Variants in WAC observed in about 807,000 individuals in gnomAD.
WAC encodes WW domain-containing adapter protein with coiled-coil.
WAC carries 11 observed loss-of-function variants against 79.6 expected under a neutral mutation model. The ratio of observed to expected loss-of-function variants is 0.14; its 90% confidence interval spans 0.09 to 0.23. The LOEUF is 0.23. Ranked by LOEUF, WAC falls within the 10% of genes least tolerant of loss-of-function variation. The probability of loss-of-function intolerance (pLI) is 1.00; values close to 1 mark genes in which losing one functional copy is unlikely to be tolerated. For synonymous variants in WAC, 304 were observed against 276.9 expected, an observed-to-expected ratio of 1.10 and a Z score of -0.97; for missense variants, 728 against 773.5, an observed-to-expected ratio of 0.94 and a Z score of 0.70.
At chr10:28,596,082 T>TAGAAGA in intron 7 of WAC, 41 bp downstream of exon 7, 2 of 1,549,350 alleles carry the variant, frequency 1.3e-6, no homozygotes, top group South Asian at 2.5e-5. Flanking sequence ...GAACTATAGT[T>TAGAAGA]TCTAAGTTTC....
At chr10:28,570,253 A>T (rs1271818306) in intron 3 of WAC, among the ~76,000 whole-genome samples, 8 of 152,204 alleles carry the variant, frequency 5.3e-5, no homozygotes, top group South Asian at 2.1e-4. Context: ...GAGTAATTTT[A>T]AAGTTACTAG....
At chr10:28,597,094 A>G (rs1564409393) in intron 7 of WAC, among the ~76,000 whole-genome samples, 1 of 152,090 alleles carries the variant, frequency 6.6e-6, no homozygotes, top group African/African-American at 2.4e-5. Flanking sequence ...TGTATTATAC[A>G]TGTTATTTGA....
chr10:28,533,852 G>C, intron 1 of WAC, 146 bp from the exon 2 acceptor site: 1 of 1,119,926 alleles, frequency 8.9e-7, no homozygotes, highest in Non-Finnish European at 1.3e-6. Flanking sequence ...GAGGCTCCGG[G>C]TTTGTGCCGT....
chr10:28,613,150 T>A (rs1841325516), intron 10 of WAC, among the ~76,000 whole-genome samples: 1 of 152,172 alleles, frequency 6.6e-6, no homozygotes, highest in Non-Finnish European at 1.5e-5. Flanking sequence ...GGCAGATCAC[T>A]TGAGGCCTAG....
At chr10:28,536,305 A>G (rs928320697) in intron 3 of WAC, among the ~76,000 whole-genome samples, 1 of 151,790 alleles carries the variant, frequency 6.6e-6, no homozygotes, top group Admixed American at 6.6e-5. Context: ...TTATGAATAT[A>G]GTTTAAAACA....
At chr10:28,583,165 G>T (rs929402974) in intron 3 of WAC, among the ~76,000 whole-genome samples, 32 of 152,106 alleles carry the variant, frequency 2.1e-4, no homozygotes, top group African/African-American at 7.7e-4. Context: ...GTTATATGCT[G>T]CTGTTCCAGG....
At chr10:28,594,559 G>T (rs538619884) in intron 6 of WAC, among the ~76,000 whole-genome samples, 1 of 152,290 alleles carries the variant, frequency 6.6e-6, no homozygotes, top group African/African-American at 2.4e-5. Context: ...GCTTTGATGT[G>T]ATTGACTTTT....
At chr10:28,545,024 G>T (rs1417941232) in intron 3 of WAC, among the ~76,000 whole-genome samples, 3 of 132,926 alleles carry the variant, frequency 2.3e-5, no homozygotes, top group African/African-American at 8.9e-5. Context: ...CTGGGTGACA[G>T]AGTGAGACTC....
At chr10:28,568,249 C>A (rs553970920) in intron 3 of WAC, among the ~76,000 whole-genome samples, 1 of 152,172 alleles carries the variant, frequency 6.6e-6, no homozygotes, top group Non-Finnish European at 1.5e-5. Context: ...AGTTTGCTGT[C>A]GGATTCATCT....
At chr10:28,542,601 A>G (rs763786141) in intron 3 of WAC, among the ~76,000 whole-genome samples, 40 of 152,236 alleles carry the variant, frequency 2.6e-4, no homozygotes, top group Non-Finnish European at 7.3e-5. Context: ...GTTGCAGTTC[A>G]TGAATTACTG....
intron 4 of WAC, among the ~76,000 whole-genome samples, chr10:28,583,901 A>G (rs1018003235): frequency 2.0e-5 from 3 of 152,160 alleles, no homozygotes; most frequent in African/African-American, 4.8e-5. Context: ...TGTCTTACAC[A>G]CTCTCCCAGA....
intron 3 of WAC, among the ~76,000 whole-genome samples, chr10:28,568,814 C>T (rs140261011): frequency 0.024 from 3,606 of 152,152 alleles, 124 homozygotes; most frequent in African/African-American, 0.067. Flanking sequence ...CCTCATGATC[C>T]GCCCACCTTG....
intron 7 of WAC, among the ~76,000 whole-genome samples, chr10:28,605,866 G>A (rs1303625606): frequency 6.6e-6 from 1 of 151,828 alleles, no homozygotes; most frequent in Non-Finnish European, 1.5e-5. Context: ...AATTTCAGGG[G>A]GATATTAATA....
intron 6 of WAC, 200 bp downstream of exon 6, chr10:28,591,032 T>A: frequency 5.7e-6 from 3 of 526,698 alleles, no homozygotes; most frequent in Non-Finnish European, 1.0e-5. Flanking sequence ...AGTACAGGTA[T>A]GTGTTTCCCA....
At chr10:28,606,282 G>C (rs1034147183) in intron 7 of WAC, among the ~76,000 whole-genome samples, 7 of 152,080 alleles carry the variant, frequency 4.6e-5, no homozygotes, top group African/African-American at 9.7e-5. Context: ...GGAAATCCTG[G>C]GCTCAAGCCT....
intron 5 of WAC, among the ~76,000 whole-genome samples, chr10:28,590,311 CAAAAAAAAAA>C (rs34562281): frequency 1.9e-5 from 2 of 103,384 alleles, no homozygotes; most frequent in Non-Finnish European, 3.9e-5. Context: ...GATGCTATCT[CAAAAAAAAAA>C]AAAAAAAAAA....
intron 3 of WAC, among the ~76,000 whole-genome samples, chr10:28,551,481 A>G (rs954147890): frequency 6.6e-6 from 1 of 152,216 alleles, no homozygotes; most frequent in African/African-American, 2.4e-5. Flanking sequence ...AGTTGTAAAA[A>G]GTCTTCTTGG....
At chr10:28,595,686 C>T in intron 6 of WAC, 47 bp from the exon 7 acceptor site, 1 of 1,548,008 alleles carries the variant, frequency 6.5e-7, no homozygotes, top group Non-Finnish European at 8.8e-7. Context: ...TTTTTTCTTC[C>T]CCCTTCTGTC....
At chr10:28,582,866 A>G (rs936592535) in intron 3 of WAC, among the ~76,000 whole-genome samples, 2 of 152,178 alleles carry the variant, frequency 1.3e-5, no homozygotes, top group Non-Finnish European at 2.9e-5. Flanking sequence ...TTATCATCTT[A>G]TAAGTGAGCA....
Sources: allele counts gnomAD v4.1 joint callset (sites outside exome capture counted in the v4.1 genomes callset), GRCh38; gene constraint gnomAD v4.1.1; transcripts MANE v1.5; gene names NCBI Gene and HGNC (gene_info 2026-07-23, HGNC 2026-07-21).